Variants in IL10RA observed in about 807,000 individuals in gnomAD.
The protein encoded by IL10RA is interleukin-10 receptor subunit alpha.
In IL10RA, 18 loss-of-function variants were observed where a neutral mutation model predicts 29.6. That is an observed-to-expected ratio of 0.61 (90% CI 0.42 to 0.90). The LOEUF (loss-of-function observed/expected upper bound fraction) is 0.90. Ranked by LOEUF, IL10RA falls within the 40% of genes least tolerant of loss-of-function variation. IL10RA has a pLI of 0.00. For synonymous variants in IL10RA, 292 were observed against 294.1 expected (o/e 0.99, Z 0.07); for missense variants, 634 against 716.6 (o/e 0.88, Z 1.32).
intron 6 of IL10RA, among the ~76,000 whole-genome samples, chr11:117,997,206 C>A (rs1258367214): frequency 6.6e-6 from 1 of 152,180 alleles, no homozygotes; most frequent in East Asian, 1.9e-4. Flanking sequence ...CAGTTTTCTC[C>A]TCTAGGAAAT....
At position 118,000,002 on chromosome 11, in the gene IL10RA, GC is replaced by G. The variant is rs1397900655; in HGVS notation, c.*363del. The G allele has an allele frequency of 2.1e-6, 1 of 476,736 alleles. No individual in the cohort carries two copies. The highest frequency in any genetic ancestry group is 2.3e-5 in the Admixed American group (1 of 43,142). The allele number at this position is 476,736 out of a possible 1,614,324, so 29.5% of individuals were successfully genotyped here. A position where few individuals can be genotyped will look rare whatever the true frequency, so the allele number is the denominator to read the frequency against. The stretch of plus-strand genomic sequence containing the variant: ...TGGGGCTTTCTGGAGTTGTGGTGAG[GC>G]CACCAGGCTGAAGTCAGCTCAGACC... On this transcript the variant is annotated 3_prime_UTR_variant, in exon 7 of 7. Coordinates refer to ENST00000227752, the MANE Select transcript of IL10RA (RefSeq NM_001558.4).
At chr11:118,001,624 A>G, downstream of IL10RA, 1 of 354,092 alleles carries the variant, frequency 2.8e-6, no homozygotes, top group Non-Finnish European at 5.5e-6. Flanking sequence ...TAAATCTGAC[A>G]GACCCAGGGA....
At position 118,000,178 on chromosome 11, in the gene IL10RA, G is replaced by A. The variant is rs1467748163; in HGVS notation, c.*537G>A. 1 of 454,308 alleles carries A rather than the reference G, an allele frequency of 2.2e-6. No individual in the cohort carries two copies. Among genetic ancestry groups the A allele is most frequent in the African/African-American group, 2.0e-5 (1 of 49,994 alleles). The allele number at this position is 454,308 out of a possible 1,614,324, so 28.1% of individuals were successfully genotyped here. A position where few individuals can be genotyped will look rare whatever the true frequency, so the allele number is the denominator to read the frequency against. On this transcript the variant is annotated 3_prime_UTR_variant, in exon 7 of 7. Transcript: ENST00000227752. ...CACATGGGGAACCTCCCCTCATCGG[G>A]CCTCTGGGGCAGGAAGCTTGTCACT... is the stretch of plus-strand genomic sequence containing the variant.
At chr11:118,002,162 A>T (rs2058099820), downstream of IL10RA, 2 of 152,232 alleles carry the variant, frequency 1.3e-5, no homozygotes, top group Admixed American at 6.5e-5. Flanking sequence ...GAAAAACCCC[A>T]TGTGGGTTTG....
At chr11:117,998,666 G>A (rs1038159085) in intron 6 of IL10RA, 49 bp from the exon 7 acceptor site, 2 of 1,561,626 alleles carry the variant, frequency 1.3e-6, no homozygotes, top group Non-Finnish European at 1.8e-6. Context: ...ACTGGGATGG[G>A]TGCTGGAAGG....
At chr11:117,997,576 ACAGTGAGT>A (rs2058064343) in intron 6 of IL10RA, among the ~76,000 whole-genome samples, 1 of 152,198 alleles carries the variant, frequency 6.6e-6, no homozygotes, top group Admixed American at 6.5e-5. Context: ...CAGATGTGCA[ACAGTGAGT>A]CAGTGAGTCA....
chr11:117,998,675 G>A (rs775009469), intron 6 of IL10RA, 40 bp from the exon 7 acceptor site: 1 of 1,589,604 alleles, frequency 6.3e-7, no homozygotes, highest in Non-Finnish European at 8.6e-7. Context: ...GGTGCTGGAA[G>A]GTGACTCCTG....
chr11:118,001,075 A>AC lies in IL10RA; in HGVS notation c.*1439dup, dbSNP rs1565375294. ...TTCTGGCCCAGGGAATCCAGCCATG[A>AC]CCCCCACCCCTCTGCCAAAGTACTC... On this transcript the variant is annotated 3_prime_UTR_variant, in exon 7 of 7. Coordinates refer to ENST00000227752, the MANE Select transcript of IL10RA (RefSeq NM_001558.4). 2.2e-6 allele frequency: 1 copy of AC among 453,850 alleles called. No individual in the cohort carries two copies. The highest frequency in any genetic ancestry group is 2.4e-5 in the Admixed American group (1 of 42,512). 28.1% of individuals were successfully genotyped at this position (453,850 alleles called of 1,614,324 possible).
At position 117,999,654 on chromosome 11, in the gene IL10RA, G is replaced by A. The variant is rs770823843; in HGVS notation, c.*13G>A. On this transcript the variant is annotated 3_prime_UTR_variant, in exon 7 of 7. Coordinates refer to ENST00000227752, the MANE Select transcript of IL10RA (RefSeq NM_001558.4). ...GTCAAGTGAGTGACTCGGGCTGAGA[G>A]GCTGCTTTTGATTTTAGCCATGCCT... is the stretch of plus-strand genomic sequence containing the variant. 6.2e-7 allele frequency: 1 copy of A among 1,610,594 alleles called. No individual in the cohort carries two copies. The highest frequency in any genetic ancestry group is 1.7e-5 in the Admixed American group (1 of 60,028).
intron 3 of IL10RA, among the ~76,000 whole-genome samples, chr11:117,991,363 A>G (rs1246572069): frequency 6.6e-6 from 1 of 152,238 alleles, no homozygotes; most frequent in African/African-American, 2.4e-5. Context: ...GGTAATTAGA[A>G]TATCTATCAC....
Position 117,989,695 on chromosome 11 carries a change from T to C in IL10RA, c.367+75T>C. ...CAGGAACTCTAGTCTAGAGCTTTTC[T>C]GTCTATTACCATAGCTCACCATGTC... On this transcript the variant is annotated intron_variant, in intron 3 of 6. Coordinates refer to ENST00000227752, the MANE Select transcript of IL10RA (RefSeq NM_001558.4). The surrounding 1 kb of genome is among the most constrained non-coding windows in gnomAD (Gnocchi z 4.5). The C allele has an allele frequency of 1.4e-6, 2 of 1,446,628 alleles. No homozygotes were observed. Among genetic ancestry groups the C allele is most frequent in the Non-Finnish European group, 1.9e-6 (2 of 1,046,620 alleles). 89.6% of individuals were successfully genotyped at this position (1,446,628 alleles called of 1,614,324 possible).
In IL10RA at chr11:117,995,669, C is replaced by G. The variant is rs1214626558; in HGVS notation, c.769C>G (p.Gln257Glu). 2 of 1,614,134 alleles carry G rather than the reference C, an allele frequency of 1.2e-6. No individual in the cohort carries two copies. Among genetic ancestry groups the G allele is most frequent in the Non-Finnish European group, 1.7e-6 (2 of 1,180,028 alleles). ...SGALAYCLAL[Q>E]LYVRRRKKLP... The stretch of plus-strand genomic sequence containing the variant: ...AGCCCTCGCCTACTGCCTGGCCCTC[C>G]AGCTGTATGTGCGGCGCCGAAAGAA... The change falls in exon 6 of 7, where the codon CAG becomes GAG. Residue 257 changes from glutamine to glutamate, a missense_variant. Gln to Glu is a conservative substitution (Grantham distance 29). Coordinates refer to ENST00000227752, the MANE Select transcript of IL10RA (RefSeq NM_001558.4).
At position 117,989,227 on chromosome 11, in the gene IL10RA, C is replaced by T. The variant is rs2058006999; in HGVS notation, c.189-215C>T. On this transcript the variant is annotated intron_variant, in intron 2 of 6. Coordinates refer to ENST00000227752, the MANE Select transcript of IL10RA (RefSeq NM_001558.4). This position sits in a 1 kb window ranked among gnomAD's most constrained non-coding sequence, Gnocchi z 4.5. ...GAGCTGGGCCTACTCGTATTCCTATCTAAAAATCTGCTAGACCACATGGAA... is the reference window on the plus strand; with the variant it reads ...GAGCTGGGCCTACTCGTATTCCTATTTAAAAATCTGCTAGACCACATGGAA... 6.6e-6 allele frequency among the ~76,000 whole-genome samples: 1 copy of T among 152,222 alleles called. No homozygotes were observed. The highest frequency in any genetic ancestry group is 6.5e-5 in the Admixed American group (1 of 15,278).
At chr11:117,991,759 A>C (rs1221745737) in intron 3 of IL10RA, among the ~76,000 whole-genome samples, 5 of 151,982 alleles carry the variant, frequency 3.3e-5, no homozygotes, top group Non-Finnish European at 7.4e-5. Flanking sequence ...ATTTGAGACA[A>C]AGTCTTGCTC....
chr11:117,988,282 A>G, intron 1 of IL10RA, 100 bp from the exon 2 acceptor site: 1 of 1,504,240 alleles, frequency 6.6e-7, no homozygotes, highest in East Asian at 2.3e-5. Context: ...GCCTCGGGCG[A>G]GTCATAGCCT....
In IL10RA at chr11:117,999,145, G is replaced by C. The variant is rs1448745823; in HGVS notation, c.1241G>C (p.Gly414Ala). 6.2e-7 allele frequency: 1 copy of C among 1,613,858 alleles called. No individual in the cohort carries two copies. The highest frequency in any genetic ancestry group is 8.5e-7 in the Non-Finnish European group (1 of 1,179,754). Residue 414 changes from glycine (G) to alanine (A), a missense_variant, in exon 7 of 7, where the codon GGG (glycine) becomes GCG (alanine). Physicochemically the swap from Gly to Ala is moderately conservative, Grantham distance 60 (BLOSUM62 0). Coordinates refer to ENST00000227752, the MANE Select transcript of IL10RA (RefSeq NM_001558.4). The stretch of plus-strand genomic sequence containing the variant: ...GTTCAAAACTCTGAGGGCCGGGCTG[G>C]GGACACACAGGGTGGCTCGGCCTTG... ...DLVQNSEGRAGDTQGGSALGH... is the reference protein window; with the variant it reads ...DLVQNSEGRAADTQGGSALGH...
At position 117,999,198 on chromosome 11, in the gene IL10RA, G is replaced by A. The variant is rs2134996663; in HGVS notation, c.1294G>A (p.Val432Met). Residue 432 changes from valine (V) to methionine (M), a missense_variant, in exon 7 of 7, where the codon GTG becomes ATG. Physicochemically the swap from Val to Met is conservative, Grantham distance 21 (BLOSUM62 1). Transcript: ENST00000227752. ...CCACCACAGTCCCCCGGAGCCTGAG[G>A]TGCCTGGGGAAGAAGACCCAGCTGC... is the stretch of plus-strand genomic sequence containing the variant. ...LGHHSPPEPE[V>M]PGEEDPAAVA... is the part of the protein sequence containing the mutation. 6.2e-7 allele frequency: 1 copy of A among 1,614,260 alleles called. No individual in the cohort carries two copies. The highest frequency in any genetic ancestry group is 8.5e-7 in the Non-Finnish European group (1 of 1,180,044).
chr11:117,991,447 C>A (rs1333020779), intron 3 of IL10RA, among the ~76,000 whole-genome samples: 2 of 152,080 alleles, frequency 1.3e-5, no homozygotes, highest in East Asian at 3.9e-4. Context: ...AATATACAGT[C>A]CATTATTATT....
chr11:117,998,770 C>G lies in IL10RA; in HGVS notation c.866C>G (p.Thr289Ser). The change falls in exon 7 of 7, where the codon ACC (threonine) becomes AGC (serine). Residue 289 changes from threonine (T) to serine (S), a missense_variant. By Grantham distance (58) the Thr-to-Ser change is moderately conservative. Transcript: ENST00000227752. ...ATCAGCCAGCGTCCCTCCCCAGAGA[C>G]CCAAGACACCATCCACCCGCTTGAT... is the stretch of plus-strand genomic sequence containing the variant. Reference protein sequence around the residue: ...IFISQRPSPETQDTIHPLDEE... With the variant: ...IFISQRPSPESQDTIHPLDEE... 6.2e-7 allele frequency: 1 copy of G among 1,614,182 alleles called. No individual in the cohort carries two copies. The highest frequency in any genetic ancestry group is 8.5e-7 in the Non-Finnish European group (1 of 1,180,024).
Sources: allele counts gnomAD v4.1 joint callset (sites outside exome capture counted in the v4.1 genomes callset), GRCh38; gene constraint gnomAD v4.1.1; non-coding constraint Gnocchi (gnomAD v3.1); transcripts MANE v1.5; gene names NCBI Gene and HGNC (gene_info 2026-07-23, HGNC 2026-07-21).